MGA: variants seen among roughly 807,000 people sequenced by gnomAD.
MGA encodes the protein MAX gene-associated protein.
MGA carries 40 observed loss-of-function variants against 261.1 expected under a neutral mutation model. The ratio of observed to expected loss-of-function variants is 0.15; its 90% CI spans 0.12 to 0.20. MGA has a LOEUF of 0.20. Ranked by LOEUF, MGA falls within the 10% of genes least tolerant of loss-of-function variation. MGA has a pLI of 1.00. For missense variants in MGA, 3,397 were observed against 3,630.5 expected (o/e 0.94, Z 1.65); for synonymous variants, 1,302 against 1,290.6 (o/e 1.01, Z -0.19).
chr15:41,665,269 T>G (rs1052089836), intron 1 of MGA, among the ~76,000 whole-genome samples: 7 of 152,226 alleles, frequency 4.6e-5, no homozygotes, highest in African/African-American at 1.7e-4. Context: ...TGATTAAGAT[T>G]ACTGACCCAC....
rs756340703 is a variant in MGA at position 41,750,553 on chromosome 15, A to C, written c.6946A>C (p.Ile2316Leu). Reference sequence around the variant, plus strand: ...TGATAATGAGAAAACTGATGATTCTATTGATGAAATTGTGGATGTTGTTTC... The same window carrying C: ...TGATAATGAGAAAACTGATGATTCTCTTGATGAAATTGTGGATGTTGTTTC... Residue 2316 changes from isoleucine (I) to leucine (L), a missense_variant, in exon 17 of 24, where the codon ATT (isoleucine) becomes CTT (leucine). This residue lies in a region of MGA where 1,410 missense variants were observed against 1,386.4 expected (regional missense o/e 1.02). Transcript: ENST00000219905. 1 of 1,612,050 alleles carries C rather than the reference A, an allele frequency of 6.2e-7. No homozygotes were observed. Among genetic ancestry groups the C allele is most frequent in the Non-Finnish European group, 8.5e-7 (1 of 1,178,996 alleles).
intron 5 of MGA, among the ~76,000 whole-genome samples, chr15:41,701,268 G>T: frequency 6.7e-6 from 1 of 149,866 alleles, no homozygotes. Flanking sequence ...TTATTTTCTT[G>T]ATAATGTAGA....
At position 41,750,401 on chromosome 15, in the gene MGA, G is replaced by T. The variant is rs752235695; in HGVS notation, c.6794G>T (p.Arg2265Ile). 6.2e-7 allele frequency: 1 copy of T among 1,613,884 alleles called. No homozygotes were observed. The highest frequency in any genetic ancestry group is 8.5e-7 in the Non-Finnish European group (1 of 1,179,896). ...CCTAGGAGAGCTGCAAAAAGCAGCA[G>T]AGGGAATGGACATTTTCAGGGTCAC... The change falls in exon 17 of 24, where the codon AGA (arginine) becomes ATA (isoleucine). Residue 2265 changes from arginine to isoleucine, a missense_variant. By Grantham distance (97) the Arg-to-Ile change is moderately conservative. Transcript: ENST00000219905.
intron 2 of MGA, among the ~76,000 whole-genome samples, chr15:41,675,470 CT>C (rs912835256): frequency 2.0e-5 from 3 of 151,778 alleles, no homozygotes; most frequent in African/African-American, 7.3e-5. Context: ...ACCTCTTGGG[CT>C]TTACTGATCC....
chr15:41,732,264 T>C (rs2577958), intron 11 of MGA, among the ~76,000 whole-genome samples: 120,332 of 151,726 alleles, frequency 0.79, 48,142 homozygotes, highest in East Asian at 0.89. Flanking sequence ...TCTCCTGCCT[T>C]AGCCTCCCGA....
chr15:41,650,736 C>T (rs2057025776), intron 1 of MGA, among the ~76,000 whole-genome samples: 1 of 152,110 alleles, frequency 6.6e-6, no homozygotes, highest in Non-Finnish European at 1.5e-5. Flanking sequence ...CTGTACCTGG[C>T]CCTATAGTTT....
chr15:41,699,939 A>T lies in MGA; in HGVS notation c.2188+780A>T, dbSNP rs73407225. Reference sequence around the variant, plus strand: ...AAAATTTTCATTATCTTTTTTTTTTAAAATTTTACTTTGAGTTCTGGGATA... The same window carrying T: ...AAAATTTTCATTATCTTTTTTTTTTTAAATTTTACTTTGAGTTCTGGGATA... On this transcript the variant is annotated intron_variant, in intron 5 of 23. Transcript: ENST00000219905. Among the ~76,000 whole-genome samples the T allele has an allele frequency of 4.0e-3, 610 of 151,210 alleles. 6 individuals carry two copies. The highest frequency in any genetic ancestry group is 7.3e-3 in the South Asian group (35 of 4,802).
intron 11 of MGA, among the ~76,000 whole-genome samples, chr15:41,732,403 C>T (rs948847870): frequency 6.6e-6 from 1 of 152,236 alleles, no homozygotes. Context: ...GCACCTCAGC[C>T]TCCCAAAGTG....
In MGA at chr15:41,669,377, A is replaced by G. The variant is rs747760139; in HGVS notation, c.483A>G (p.Glu161=). ...TGGGGAGGGTTTTCATTCATCCAGA[A>G]TCTCCTTCCACAGGTCATTATTGGA... The change falls in exon 2 of 24, where the codon GAA becomes GAG. Residue 161 remains glutamate, a synonymous_variant. Transcript: ENST00000219905. The G allele has an allele frequency of 5.7e-5, 92 of 1,613,796 alleles. No homozygotes were observed. Among genetic ancestry groups the G allele is most frequent in the Non-Finnish European group, 7.5e-5 (89 of 1,179,880 alleles).
At position 41,767,084 on chromosome 15, in the gene MGA, G is replaced by T. The variant is rs1477811904; in HGVS notation, c.9002G>T (p.Ser3001Ile). 3 of 1,613,912 alleles carry T rather than the reference G, an allele frequency of 1.9e-6. No homozygotes were observed. The highest frequency in any genetic ancestry group is 2.5e-6 in the Non-Finnish European group (3 of 1,179,900). ...GGTTTAAAAGTAGCTAATCCTTCCA[G>T]TGATGCAGATGGTCAGAGTCTCAAG... Residue 3001 changes from serine to isoleucine, a missense_variant, in exon 24 of 24, where the codon AGT (serine) becomes ATT (isoleucine). Transcript: ENST00000219905.
intron 9 of MGA, among the ~76,000 whole-genome samples, chr15:41,721,756 T>C (rs1420296632): frequency 6.6e-6 from 1 of 152,192 alleles, no homozygotes; most frequent in Non-Finnish European, 1.5e-5. Flanking sequence ...ACACTGCTGA[T>C]GGGGAAATAA....
chr15:41,691,254 C>G (rs2059270630), intron 2 of MGA, among the ~76,000 whole-genome samples: 1 of 152,076 alleles, frequency 6.6e-6, no homozygotes, highest in South Asian at 2.1e-4. Flanking sequence ...TCTTAAACTT[C>G]TTTTGTTAAA....
intron 2 of MGA, among the ~76,000 whole-genome samples, chr15:41,695,600 A>G (rs181924662): frequency 6.6e-6 from 1 of 152,340 alleles, no homozygotes; most frequent in Non-Finnish European, 1.5e-5. Context: ...GATGAATTAT[A>G]CACAATATAT....
chr15:41,661,845 C>G (rs2057422314), intron 1 of MGA, among the ~76,000 whole-genome samples: 2 of 152,124 alleles, frequency 1.3e-5, no homozygotes, highest in Non-Finnish European at 2.9e-5. Context: ...GGTCTGGTGG[C>G]TGGTTCTGTA....
chr15:41,736,260 C>T lies in MGA; in HGVS notation c.3996C>T (p.Pro1332=), dbSNP rs765245484. The T allele has an allele frequency of 3.1e-6, 5 of 1,613,960 alleles. No individual in the cohort carries two copies. In the South Asian group the frequency reaches 5.5e-5, roughly 18 times the overall value. Residue 1332 remains proline, a synonymous_variant, in exon 13 of 24, where the codon CCC becomes CCT. Transcript: ENST00000219905. ...TGCATCAGAGGTCACCTGGTGGTCC[C>T]ACCAAACTGATTGAGATCATCTCAG... is the stretch of plus-strand genomic sequence containing the variant.
At chr15:41,641,487 C>CTT (rs35157141) in intron 1 of MGA, among the ~76,000 whole-genome samples, 82 of 123,676 alleles carry the variant, frequency 6.6e-4, no homozygotes, top group Non-Finnish European at 8.2e-4. Context: ...CATCCTAACA[C>CTT]TTTTTTTTTT....
Position 41,669,224 on chromosome 15 carries a change from T to C in MGA, c.330T>C (p.Tyr110=), listed in dbSNP as rs2057922499. 1 of 1,614,042 alleles carries C rather than the reference T, an allele frequency of 6.2e-7. No homozygotes were observed. Among genetic ancestry groups the C allele is most frequent in the East Asian group, 2.2e-5 (1 of 44,888 alleles). ...GACGCATGTTTCCTTACTGTCGTTA[T>C]TGGATAACAGGTTTAGATTCAAATT... Residue 110 remains tyrosine, a synonymous_variant, in exon 2 of 24, where the codon TAT becomes TAC. Transcript: ENST00000219905.
intron 5 of MGA, among the ~76,000 whole-genome samples, chr15:41,701,210 A>G (rs2059835444): frequency 6.6e-6 from 1 of 151,394 alleles, no homozygotes; most frequent in Non-Finnish European, 1.5e-5. Context: ...ATTTCTCCCT[A>G]TCTTTAACTT....
At chr15:41,703,765 T>C (rs983107524) in intron 5 of MGA, among the ~76,000 whole-genome samples, 1 of 152,064 alleles carries the variant, frequency 6.6e-6, no homozygotes, top group African/African-American at 2.4e-5. Flanking sequence ...AAAATTCACT[T>C]ATCAGTGTGG....
Sources: allele counts gnomAD v4.1 joint callset (sites outside exome capture counted in the v4.1 genomes callset), GRCh38; gene constraint gnomAD v4.1.1; regional missense constraint gnomAD v4.1.1; transcripts MANE v1.5; gene names NCBI Gene and HGNC (gene_info 2026-07-23, HGNC 2026-07-21).